Variants in USP45 observed in about 807,000 individuals in gnomAD.
The protein encoded by USP45 is ubiquitin carboxyl-terminal hydrolase 45.
USP45 carries 89 observed loss-of-function variants against 95.8 expected under a neutral mutation model. That is an observed-to-expected ratio of 0.93 (90% CI 0.78 to 1.11). USP45 has a LOEUF of 1.11. Among genes scored for constraint, USP45 ranks in the 50% least tolerant of loss-of-function variants. The pLI, the probability that USP45 is intolerant of heterozygous loss-of-function variation, is 0.00. For missense variants in USP45, 898 were observed against 942.5 expected, an observed-to-expected ratio of 0.95 and a Z score of 0.62; for synonymous variants, 281 against 316.2, an observed-to-expected ratio of 0.89 and a Z score of 1.18.
At chr6:99,453,001 G>A (rs1784225703) in intron 13 of USP45, among the ~76,000 whole-genome samples, 1 of 152,176 alleles carries the variant, frequency 6.6e-6, no homozygotes, top group East Asian at 1.9e-4. Context: ...CACAGGAAGG[G>A]GAAGATCACA....
chr6:99,507,406 G>T, intron 4 of USP45, 22 bp downstream of exon 4: 3 of 1,476,176 alleles, frequency 2.0e-6, no homozygotes, highest in African/African-American at 1.4e-5. Flanking sequence ...GTGGACACAA[G>T]AACTAACAAA....
At chr6:99,501,007 A>G (rs1797247386) in intron 5 of USP45, among the ~76,000 whole-genome samples, 1 of 152,184 alleles carries the variant, frequency 6.6e-6, no homozygotes, top group Non-Finnish European at 1.5e-5. Context: ...TCAGTTTCTG[A>G]TGCCACCTAC....
intron 4 of USP45, among the ~76,000 whole-genome samples, chr6:99,505,936 C>T (rs575169411): frequency 3.3e-5 from 5 of 152,310 alleles, no homozygotes; most frequent in African/African-American, 1.2e-4. Flanking sequence ...TGAACTGCCA[C>T]ACTATGGCAC....
At chr6:99,503,490 C>T (rs1797847387) in intron 5 of USP45, among the ~76,000 whole-genome samples, 2 of 152,074 alleles carry the variant, frequency 1.3e-5, no homozygotes, top group African/African-American at 4.8e-5. Context: ...TGCTACCGTA[C>T]CCGGCTAATT....
At chr6:99,464,501 C>T (rs1787395579) in intron 13 of USP45, 103 bp downstream of exon 13, 9 of 1,294,414 alleles carry the variant, frequency 7.0e-6, no homozygotes, top group African/African-American at 4.5e-5. Flanking sequence ...AAAATGGGTA[C>T]ATGAGAGTTT....
chr6:99,514,737 A>C (rs1387291778), intron 1 of USP45: 1 of 152,198 alleles, frequency 6.6e-6, no homozygotes, highest in African/African-American at 2.4e-5. Flanking sequence ...AGAAAAGGTC[A>C]CTATCTCCTT....
chr6:99,488,319 C>T (rs1794449301), intron 6 of USP45, 24 bp from the exon 7 acceptor site: 1 of 1,494,132 alleles, frequency 6.7e-7, no homozygotes, highest in Admixed American at 1.9e-5. Context: ...AAATTAAAGT[C>T]TTCAGATTCA....
At chr6:99,456,677 C>G (rs1235480370) in intron 13 of USP45, among the ~76,000 whole-genome samples, 1 of 152,132 alleles carries the variant, frequency 6.6e-6, no homozygotes, top group Non-Finnish European at 1.5e-5. Flanking sequence ...ATCCTGTCAG[C>G]TGAGGAGGAT....
chr6:99,437,298 T>G lies in USP45; in HGVS notation c.2262A>C (p.Arg754Ser). Residue 754 changes from arginine (R) to serine (S), a missense_variant, in exon 17 of 18, where the codon AGA becomes AGC. By Grantham distance (110) the Arg-to-Ser change is moderately radical. Coordinates refer to ENST00000500704, the MANE Select transcript of USP45 (RefSeq NM_001346022.3). ...EGHYTAYVKV[R>S]TPSRKLSEHN... ...GTTCCGATAATTTCCTGGAGGGTGT[T>G]CTCACTTTCACATAAGCAGTGTAGT... The G allele has an allele frequency of 6.2e-7, 1 of 1,613,860 alleles. No individual in the cohort carries two copies.
At chr6:99,517,614 T>TG (rs2128849992), upstream of USP45, among the ~76,000 whole-genome samples, 1 of 151,046 alleles carries the variant, frequency 6.6e-6, no homozygotes, top group African/African-American at 2.4e-5. Flanking sequence ...TTTTTTTTTT[T>TG]TTTGTATTTT....
chr6:99,514,169 A>G (rs756333888), intron 1 of USP45, among the ~76,000 whole-genome samples: 27 of 152,222 alleles, frequency 1.8e-4, no homozygotes, highest in Non-Finnish European at 3.8e-4. Context: ...ACAATGCAGT[A>G]TGGATATAAA....
intron 17 of USP45, among the ~76,000 whole-genome samples, chr6:99,436,894 G>C (rs1780583678): frequency 6.6e-6 from 1 of 152,130 alleles, no homozygotes; most frequent in Admixed American, 6.5e-5. Flanking sequence ...GAGGTCAGGA[G>C]TTTGAGGCCA....
In USP45 at chr6:99,446,119, A is replaced by G. The variant is rs1337120569; in HGVS notation, c.1653T>C (p.Gly551=). 1.2e-6 allele frequency: 2 copies of G among 1,614,052 alleles called. No individual in the cohort carries two copies. Among genetic ancestry groups the G allele is most frequent in the African/African-American group, 1.3e-5 (1 of 75,020 alleles). ...KLLYTKETDS[G]DKEMAEAISE... Reference sequence around the variant, plus strand: ...AAATAGCTTCTGCCATTTCCTTATCACCACTGTCAGTCTCCTTGGTGTACA... The same window carrying G: ...AAATAGCTTCTGCCATTTCCTTATCGCCACTGTCAGTCTCCTTGGTGTACA... The change falls in exon 14 of 18, where the codon GGT becomes GGC. Residue 551 remains glycine (G), a synonymous_variant. Coordinates refer to ENST00000500704, the MANE Select transcript of USP45 (RefSeq NM_001346022.3).
In USP45 at chr6:99,468,650, A is replaced by T. The variant is rs760048984; in HGVS notation, c.934-32T>A. The T allele has an allele frequency of 4.1e-6, 6 of 1,452,056 alleles. No homozygotes were observed. In the African/African-American group the frequency reaches 8.4e-5, roughly 20 times the overall value. The allele number at this position is 1,452,056 out of a possible 1,614,324, so 89.9% of individuals were successfully genotyped here. ...AACAAAGTTAATAGATTCTGGTCTA[A>T]TAATAGTTAACTCAGGCCTCATCCT... On this transcript the variant is annotated intron_variant, in intron 9 of 17. Transcript: ENST00000500704.
chr6:99,451,778 T>C (rs1250739623), intron 13 of USP45, among the ~76,000 whole-genome samples: 1 of 152,198 alleles, frequency 6.6e-6, no homozygotes, highest in East Asian at 1.9e-4. Flanking sequence ...GACTTCAAAC[T>C]ATACTACAAG....
At position 99,488,289 on chromosome 6, in the gene USP45, C is replaced by T. The variant is rs190107235; in HGVS notation, c.625G>A (p.Ala209Thr). 2.1e-4 allele frequency: 329 copies of T among 1,600,312 alleles called. 1 individual carries two copies. The highest frequency in any genetic ancestry group is 1.4e-4 in the Non-Finnish European group (169 of 1,174,750). Residue 209 changes from alanine to threonine, a missense_variant, in exon 7 of 18, where the codon GCA becomes ACA. Physicochemically the swap from Ala to Thr is moderately conservative, Grantham distance 58 (BLOSUM62 0). Transcript: ENST00000500704. ...CFFNAVMQNL[A>T]QTYTLTDLMN... ...AGATCAGTAAGAGTATAAGTCTGTG[C>T]CAAGTTCTAAAAGAAAACAAAATTA...
upstream of USP45, among the ~76,000 whole-genome samples, chr6:99,515,939 T>C (rs1801066158): frequency 6.6e-6 from 1 of 151,962 alleles, no homozygotes; most frequent in Non-Finnish European, 1.5e-5. Flanking sequence ...CACGCCCGGC[T>C]AATTTTTTGT....
intron 9 of USP45, 60 bp downstream of exon 9, chr6:99,476,083 T>G: frequency 7.3e-6 from 11 of 1,509,220 alleles, no homozygotes; most frequent in Non-Finnish European, 1.0e-5. Flanking sequence ...CCCCCAATAA[T>G]CCCTTAGTTT....
rs1785437935 is a variant in USP45 at position 99,457,859 on chromosome 6, T to C, written c.1308+6745A>G. 2.0e-5 allele frequency among the ~76,000 whole-genome samples: 3 copies of C among 152,130 alleles called. No homozygotes were observed. In the South Asian group the frequency reaches 6.2e-4, roughly 32 times the overall value. On this transcript the variant is annotated intron_variant, in intron 13 of 17. Coordinates refer to ENST00000500704, the MANE Select transcript of USP45 (RefSeq NM_001346022.3). The stretch of plus-strand genomic sequence containing the variant: ...ACAGGTGATTCTCATCATCAGCTGG[T>C]CTTAGGAACTTTTGAATGAGACTAT...
Sources: allele counts gnomAD v4.1 joint callset (sites outside exome capture counted in the v4.1 genomes callset), GRCh38; gene constraint gnomAD v4.1.1; transcripts MANE v1.5; gene names NCBI Gene and HGNC (gene_info 2026-07-23, HGNC 2026-07-21).